GRTP1: variants seen among roughly 807,000 people sequenced by gnomAD.
GRTP1 encodes growth hormone-regulated TBC protein 1.
A neutral mutation model predicts 38.1 loss-of-function variants in GRTP1; 56 were observed. The ratio of observed to expected loss-of-function variants is 1.47; its 90% CI spans 1.19 to 1.84. The LOEUF is 1.84. Ranked by LOEUF, GRTP1 falls within the 40% of genes most tolerant of loss-of-function variation. The probability of loss-of-function intolerance (pLI) is 0.00; values close to 1 mark genes in which losing one functional copy is unlikely to be tolerated. For synonymous variants in GRTP1, 217 were observed against 189.5 expected (o/e 1.14, Z -1.19); for missense variants, 506 against 453.9 (o/e 1.11, Z -1.04).
At chr13:113,344,718 A>AT (rs2043073990) in intron 5 of GRTP1, 145 bp downstream of exon 5, 2 of 382,096 alleles carry the variant, frequency 5.2e-6, no homozygotes, top group East Asian at 1.8e-4. Context: ...GTCTCAAAAA[A>AT]AAAAAAAAAA....
chr13:113,355,323 C>G lies in GRTP1; in HGVS notation c.340G>C (p.Asp114His). 1 of 1,613,882 alleles carries G rather than the reference C, an allele frequency of 6.2e-7. No homozygotes were observed. Among genetic ancestry groups the G allele is most frequent in the Non-Finnish European group, 8.5e-7 (1 of 1,179,896 alleles). The change falls in exon 3 of 8, where the codon GAC becomes CAC. Residue 114 changes from aspartate to histidine, a missense_variant and splice_region_variant. By Grantham distance (81) the Asp-to-His change is moderately conservative. Coordinates refer to ENST00000375431, the MANE Select transcript of GRTP1 (RefSeq NM_024719.4). ...CAGAGCTCGACCCCCACCGCCTCAC[C>G]TGTCCTGATGGCGTCCTCCAGCCTG... ...NPRLEDAIRTDLNRTFPDNVK... is the reference protein window; with the variant it reads ...NPRLEDAIRTHLNRTFPDNVK...
intron 5 of GRTP1, among the ~76,000 whole-genome samples, chr13:113,326,522 T>G (rs1388910363): frequency 6.6e-6 from 1 of 151,582 alleles, no homozygotes; most frequent in African/African-American, 2.4e-5. Flanking sequence ...AATACAAAAA[T>G]TAGCCAGGTG....
Position 113,328,853 on chromosome 13 carries a change from A to G in GRTP1, c.563-2762T>C, listed in dbSNP as rs533233705. ...TTCCCTACCAGGAAAGACACCCCTG[A>G]AATCCACATCTCAAACCTTACAAAG... On this transcript the variant is annotated intron_variant, in intron 5 of 7. Coordinates refer to ENST00000375431, the MANE Select transcript of GRTP1 (RefSeq NM_024719.4). 7.2e-5 allele frequency among the ~76,000 whole-genome samples: 11 copies of G among 152,356 alleles called. No individual in the cohort carries two copies. The South Asian group carries it at 1.0e-3, about 14-fold the overall frequency.
At position 113,351,121 on chromosome 13, in the gene GRTP1, A is replaced by G; in HGVS notation, c.341-148T>C. 3 of 959,232 alleles carry G rather than the reference A, an allele frequency of 3.1e-6. No individual in the cohort carries two copies. The Admixed American group carries it at 6.1e-5, about 19-fold the overall frequency. 59.4% of individuals were successfully genotyped at this position (959,232 alleles called of 1,614,324 possible). A position where few individuals can be genotyped will look rare whatever the true frequency, so the allele number is the denominator to read the frequency against. On this transcript the variant is annotated intron_variant, in intron 3 of 7. Coordinates refer to ENST00000375431, the MANE Select transcript of GRTP1 (RefSeq NM_024719.4). ...GCCGCACAGCAGACTCAACACAGCC[A>G]GAGCGACAGGCTCACTGGGCCAGGA... is the stretch of plus-strand genomic sequence containing the variant.
intron 7 of GRTP1, chr13:113,324,829 C>CTT (rs781015380): frequency 2.2e-3 from 2,185 of 996,592 alleles, no homozygotes; most frequent in South Asian, 4.5e-3. Flanking sequence ...TTCCATTAGA[C>CTT]TTTTTTTTTT....
intron 5 of GRTP1, among the ~76,000 whole-genome samples, chr13:113,327,570 C>T (rs761430288): frequency 1.3e-5 from 2 of 152,216 alleles, no homozygotes; most frequent in African/African-American, 2.4e-5. Flanking sequence ...AGAGTGAGCA[C>T]ACAGTGAAGT....
In GRTP1 at chr13:113,347,489, G is replaced by C. The variant is rs1013956079; in HGVS notation, c.466-2530C>G. ...CTGTGGCCGAGAGCAGACCTGGGAG[G>C]ACCTCTGTGGCCGAGAGCGGACCCA... On this transcript the variant is annotated intron_variant, in intron 4 of 7. Transcript: ENST00000375431. Among the ~76,000 whole-genome samples the C allele has an allele frequency of 2.3e-3, 120 of 51,198 alleles. 2 individuals are homozygous for C. The highest frequency in any genetic ancestry group is 3.1e-3 in the African/African-American group (44 of 14,412). The allele number at this position is 51,198 out of a possible 152,430, so 33.6% of individuals were successfully genotyped here.
chr13:113,356,044 T>C (rs2043379339), intron 2 of GRTP1, among the ~76,000 whole-genome samples: 1 of 122,858 alleles, frequency 8.1e-6, no homozygotes. Context: ...CAGAAACATA[T>C]AGGGACAGAA....
intron 4 of GRTP1, among the ~76,000 whole-genome samples, chr13:113,346,517 G>C (rs1198366528): frequency 0.014 from 99 of 7,000 alleles, 18 homozygotes; most frequent in Admixed American, 0.018. Context: ...GACCTCTGTG[G>C]CAAAGAGCAG....
At position 113,324,404 on chromosome 13, in the gene GRTP1, G is replaced by GA; in HGVS notation, c.*83dup. On this transcript the variant is annotated 3_prime_UTR_variant, in exon 8 of 8. Coordinates refer to ENST00000375431, the MANE Select transcript of GRTP1 (RefSeq NM_024719.4). The stretch of plus-strand genomic sequence containing the variant: ...GTCAAGTATTTACAACACTAAAAAG[G>GA]AAAGCAGTGAAAGTTGGTCCAGTGT... 2 of 1,423,924 alleles carry GA rather than the reference G, an allele frequency of 1.4e-6. No homozygotes were observed. Among genetic ancestry groups the GA allele is most frequent in the Non-Finnish European group, 1.8e-6 (2 of 1,083,860 alleles). 88.2% of individuals were successfully genotyped at this position (1,423,924 alleles called of 1,614,324 possible). A position where few individuals can be genotyped will look rare whatever the true frequency, so the allele number is the denominator to read the frequency against.
At chr13:113,361,293 A>C (rs1310556974) in intron 2 of GRTP1, among the ~76,000 whole-genome samples, 2 of 151,392 alleles carry the variant, frequency 1.3e-5, no homozygotes, top group African/African-American at 4.9e-5. Context: ...AAAGAATAAA[A>C]ATCTGGAGGA....
intron 5 of GRTP1, among the ~76,000 whole-genome samples, chr13:113,341,053 T>A (rs1335502709): frequency 1.3e-5 from 2 of 151,994 alleles, no homozygotes; most frequent in African/African-American, 4.8e-5. Flanking sequence ...TCCTTTTTTT[T>A]TTTTCTTTCT....
intron 5 of GRTP1, among the ~76,000 whole-genome samples, chr13:113,328,673 C>T (rs1054548584): frequency 6.6e-6 from 1 of 152,200 alleles, no homozygotes; most frequent in Non-Finnish European, 1.5e-5. Flanking sequence ...GTGTGCACCA[C>T]CACACCCAGC....
At chr13:113,338,996 C>T (rs886451241) in intron 5 of GRTP1, among the ~76,000 whole-genome samples, 1 of 150,870 alleles carries the variant, frequency 6.6e-6, no homozygotes, top group Admixed American at 6.6e-5. Context: ...TCACTGCAAC[C>T]TCTGCCTCCC....
At chr13:113,355,600 C>T in intron 2 of GRTP1, 119 bp from the exon 3 acceptor site, 1 of 1,233,630 alleles carries the variant, frequency 8.1e-7, no homozygotes, top group Middle Eastern at 2.9e-4. Flanking sequence ...TTAAAGAGAC[C>T]CAGAACTTCG....
At chr13:113,335,851 G>A (rs550302958) in intron 5 of GRTP1, among the ~76,000 whole-genome samples, 1 of 151,990 alleles carries the variant, frequency 6.6e-6, no homozygotes, top group African/African-American at 2.4e-5. Flanking sequence ...GGAGCGTAGT[G>A]GTACAAACTC....
chr13:113,341,055 T>G (rs1446464585), intron 5 of GRTP1, among the ~76,000 whole-genome samples: 1 of 152,022 alleles, frequency 6.6e-6, no homozygotes, highest in Non-Finnish European at 1.5e-5. Flanking sequence ...CTTTTTTTTT[T>G]TTCTTTCTGA....
rs141204254 is a variant in GRTP1 at position 113,362,525 on chromosome 13, A to G, written c.181+1237T>C. On this transcript the variant is annotated intron_variant, in intron 2 of 7. Transcript: ENST00000375431. ...GGTGGCCACACCAGTGGTCCCAGCTATGCGGGAGGCTGAGAGGGGAGGATG... is the reference window on the plus strand; with the variant it reads ...GGTGGCCACACCAGTGGTCCCAGCTGTGCGGGAGGCTGAGAGGGGAGGATG... Among the ~76,000 whole-genome samples the G allele has an allele frequency of 4.3e-3, 662 of 152,278 alleles. 4 individuals carry two copies. The highest frequency in any genetic ancestry group is 0.01 in the Middle Eastern group (3 of 294).
rs970356840 is a variant in GRTP1 at position 113,348,602 on chromosome 13, T to G, written c.465+2247A>C. 6.6e-6 allele frequency among the ~76,000 whole-genome samples: 1 copy of G among 151,830 alleles called. No homozygotes were observed. Among genetic ancestry groups the G allele is most frequent in the Non-Finnish European group, 1.5e-5 (1 of 67,948 alleles). ...CATTACGGATGGGGTCATGGAGGAGTTGGTGGGCCCTATCCAAGCCTGGTG... is the reference window on the plus strand; with the variant it reads ...CATTACGGATGGGGTCATGGAGGAGGTGGTGGGCCCTATCCAAGCCTGGTG... On this transcript the variant is annotated intron_variant, in intron 4 of 7. Coordinates refer to ENST00000375431, the MANE Select transcript of GRTP1 (RefSeq NM_024719.4). The surrounding 1 kb of genome is among the most constrained non-coding windows in gnomAD (Gnocchi z 4.8).
Sources: gnomAD v4.1 joint callset for allele counts (sites outside exome capture counted in the v4.1 genomes callset) on GRCh38, gnomAD v4.1.1 for gene constraint, Gnocchi (gnomAD v3.1) non-coding constraint, MANE v1.5 for transcripts, NCBI Gene and HGNC (gene_info 2026-07-23, HGNC 2026-07-21) for gene names.